Variants in FLRT1 observed in about 807,000 individuals in gnomAD.
FLRT1 encodes fibronectin leucine rich transmembrane protein 1, also known as leucine-rich repeat transmembrane protein FLRT1.
Under a neutral mutation model 30.9 loss-of-function variants are expected in FLRT1, and 14 were observed. The observed-to-expected ratio is 0.45, with a 90% CI of 0.30 to 0.71. The LOEUF (loss-of-function observed/expected upper bound fraction) is 0.71. FLRT1 is among the 30% of genes least tolerant of loss of function. The probability of loss-of-function intolerance (pLI) is 0.08; values close to 1 mark genes in which losing one functional copy is unlikely to be tolerated. For synonymous variants in FLRT1, 368 were observed against 430.4 expected (o/e 0.85, Z 1.80); for missense variants, 737 against 949.2 (o/e 0.78, Z 2.94).
chr11:64,101,149 G>C (rs979086217), intron 1 of FLRT1, among the ~76,000 whole-genome samples: 13 of 152,050 alleles, frequency 8.5e-5, no homozygotes, highest in Non-Finnish European at 1.6e-4. Flanking sequence ...CAGGGAGGGA[G>C]GGATGACGTC....
chr11:64,115,059 G>A (rs1204315995), intron 2 of FLRT1, among the ~76,000 whole-genome samples: 1 of 152,136 alleles, frequency 6.6e-6, no homozygotes, highest in Non-Finnish European at 1.5e-5. Context: ...CTGCACACCA[G>A]GGCTGCCCTC....
At chr11:64,060,864 C>G (rs1355960017) in intron 1 of FLRT1, among the ~76,000 whole-genome samples, 15 of 152,162 alleles carry the variant, frequency 9.9e-5, no homozygotes, top group African/African-American at 3.6e-4. Context: ...GGGGCCAAAG[C>G]CCTCCAGGCC....
intron 1 of FLRT1, among the ~76,000 whole-genome samples, chr11:64,100,408 G>A (rs1391426410): frequency 6.6e-6 from 1 of 152,162 alleles, no homozygotes; most frequent in Admixed American, 6.5e-5. Context: ...CTTTTATGAT[G>A]TTGACTCAAA....
At chr11:64,100,590 G>A (rs912406445) in intron 1 of FLRT1, among the ~76,000 whole-genome samples, 3 of 152,138 alleles carry the variant, frequency 2.0e-5, no homozygotes, top group Admixed American at 6.5e-5. Context: ...TCTGCCAGGC[G>A]CACGCATTTA....
In FLRT1 at chr11:64,079,734, G is replaced by A. The variant is rs148497822; in HGVS notation, c.-1037-23460G>A. ...ATTGGGTTCAGGGAGAGAGTGGGGC[G>A]CACGCTCAGAGAAATGTGGAGTGGA... On this transcript the variant is annotated intron_variant, in intron 1 of 2. Transcript: ENST00000682287. Among the ~76,000 whole-genome samples, 698 of 152,184 alleles carry A rather than the reference G, an allele frequency of 4.6e-3. 2 individuals carry two copies. Among genetic ancestry groups the A allele is most frequent in the African/African-American group, 0.015 (630 of 41,492 alleles).
At position 64,117,588 on chromosome 11, in the gene FLRT1, A is replaced by G; in HGVS notation, c.1321A>G (p.Ile441Val). The G allele has an allele frequency of 1.2e-6, 2 of 1,612,214 alleles. No homozygotes were observed. The highest frequency in any genetic ancestry group is 1.7e-5 in the Admixed American group (1 of 59,936). Residue 441 changes from isoleucine (I) to valine (V), a missense_variant, in exon 3 of 3, where the codon ATC (isoleucine) becomes GTC (valine). By Grantham distance (29) the Ile-to-Val change is conservative. Coordinates refer to ENST00000682287, the MANE Select transcript of FLRT1 (RefSeq NM_013280.5). Reference protein sequence around the residue: ...ATGDGAKTLAIHVKALTADSI... With the variant: ...ATGDGAKTLAVHVKALTADSI... ...GGGTGATGGCGCCAAGACCCTGGCC[A>G]TCCACGTGAAGGCCCTGACGGCAGA...
rs1945002430 is a variant in FLRT1, at chr11:64,117,187, C to T, written c.920C>T (p.Thr307Ile). 1 of 1,614,084 alleles carries T rather than the reference C, an allele frequency of 6.2e-7. No homozygotes were observed. The highest frequency in any genetic ancestry group is 1.7e-5 in the Admixed American group (1 of 60,022). Reference protein sequence around the residue: ...ERLDLSNNNLTTLPRGLFDDL... With the variant: ...ERLDLSNNNLITLPRGLFDDL... ...CTGGACCTGTCCAACAACAACCTGA[C>T]CACGCTGCCCCGCGGCCTGTTCGAC... Residue 307 changes from threonine (T) to isoleucine (I), a missense_variant, in exon 3 of 3, where the codon ACC becomes ATC. Transcript: ENST00000682287.
chr11:64,091,311 G>C (rs1944485843), intron 1 of FLRT1, among the ~76,000 whole-genome samples: 1 of 152,096 alleles, frequency 6.6e-6, no homozygotes, highest in Non-Finnish European at 1.5e-5. Flanking sequence ...TCACGTAGCT[G>C]ATTTCATCAC....
chr11:64,042,482 C>G (rs1366675006), intron 1 of FLRT1, among the ~76,000 whole-genome samples: 1 of 152,172 alleles, frequency 6.6e-6, no homozygotes, highest in Non-Finnish European at 1.5e-5. Context: ...ATAGAGGAGG[C>G]CCTGTGATGG....
rs115061568 is a variant in FLRT1, at chr11:64,072,884, G to A, written c.-1037-30310G>A. The stretch of plus-strand genomic sequence containing the variant: ...AATCCCACATAAACCTACGTGTGGA[G>A]CAGGGGCTTTATTTTTTCTCAAAAG... On this transcript the variant is annotated intron_variant, in intron 1 of 2. Transcript: ENST00000682287. Among the ~76,000 whole-genome samples the A allele has an allele frequency of 7.8e-3, 1,191 of 152,322 alleles. 14 individuals are homozygous for A. The highest frequency in any genetic ancestry group is 0.026 in the African/African-American group (1,062 of 41,556).
intron 1 of FLRT1, among the ~76,000 whole-genome samples, chr11:64,100,017 T>C (rs1444552872): frequency 6.6e-6 from 1 of 152,166 alleles, no homozygotes; most frequent in East Asian, 1.9e-4. Flanking sequence ...CTTGGAGTAG[T>C]GCAGCAAGAA....
At chr11:64,049,996 T>G (rs59341826) in intron 1 of FLRT1, among the ~76,000 whole-genome samples, 36,520 of 152,214 alleles carry the variant, frequency 0.24, 8,681 homozygotes, top group African/African-American at 0.6. Flanking sequence ...CTGGATGCCA[T>G]ATTATAAATA....
At chr11:64,056,513 G>C (rs1231344241) in intron 1 of FLRT1, among the ~76,000 whole-genome samples, 5 of 152,244 alleles carry the variant, frequency 3.3e-5, no homozygotes, top group Admixed American at 6.5e-5. Context: ...CGGAGAGACG[G>C]AGCCTGGGTC....
At chr11:64,092,045 A>C (rs1393935824) in intron 1 of FLRT1, among the ~76,000 whole-genome samples, 1 of 152,086 alleles carries the variant, frequency 6.6e-6, no homozygotes, top group Non-Finnish European at 1.5e-5. Flanking sequence ...GGTCCCAAAA[A>C]ACAATCCTCC....
intron 1 of FLRT1, among the ~76,000 whole-genome samples, chr11:64,071,133 C>T (rs1230292962): frequency 6.6e-6 from 1 of 152,134 alleles, no homozygotes; most frequent in Non-Finnish European, 1.5e-5. Flanking sequence ...CAAAATTCTA[C>T]TCATCCTTCC....
In FLRT1 at chr11:64,118,004, G is replaced by C. The variant is rs773496799; in HGVS notation, c.1737G>C (p.Gln579His). The part of the protein sequence containing the change: ...VLGAICWYVH[Q>H]AGELLTRERA... ...GGGCCATCTGCTGGTACGTGCACCA[G>C]GCTGGCGAGCTGCTGACCCGGGAGA... The change falls in exon 3 of 3, where the codon CAG (glutamine) becomes CAC (histidine). Residue 579 changes from glutamine (Q) to histidine (H), a missense_variant. Transcript: ENST00000682287. 1.4e-5 allele frequency: 22 copies of C among 1,613,614 alleles called. No individual in the cohort carries two copies. The highest frequency in any genetic ancestry group is 1.7e-5 in the Admixed American group (1 of 60,008).
At position 64,103,493 on chromosome 11, in the gene FLRT1, T is replaced by A. The variant is rs1454960628; in HGVS notation, c.-738T>A. Reference sequence around the variant, plus strand: ...GGAGACACAGCCTGAGTGGCAGGAATACAGAGCCTTTGGAGAGTGGCTCCC... The same window carrying A: ...GGAGACACAGCCTGAGTGGCAGGAAAACAGAGCCTTTGGAGAGTGGCTCCC... On this transcript the variant is annotated 5_prime_UTR_variant, in exon 2 of 3. Coordinates refer to ENST00000682287, the MANE Select transcript of FLRT1 (RefSeq NM_013280.5). 1 of 151,392 alleles carries A rather than the reference T, an allele frequency of 6.6e-6. No homozygotes were observed. The highest frequency in any genetic ancestry group is 1.5e-5 in the Non-Finnish European group (1 of 68,064). The allele number at this position is 151,392 out of a possible 1,614,324, so 9.4% of individuals were successfully genotyped here.
chr11:64,051,079 A>ACT (rs1704809833), intron 1 of FLRT1, among the ~76,000 whole-genome samples: 1 of 152,172 alleles, frequency 6.6e-6, no homozygotes, highest in African/African-American at 2.4e-5. Flanking sequence ...ACCGATCTGG[A>ACT]GGAGAGATTC....
chr11:64,043,339 A>AC (rs1943524081), intron 1 of FLRT1, among the ~76,000 whole-genome samples: 4 of 151,974 alleles, frequency 2.6e-5, no homozygotes. Context: ...CGCCCTCAGG[A>AC]CCCCACCCTC....
Sources: allele counts gnomAD v4.1 joint callset (sites outside exome capture counted in the v4.1 genomes callset), GRCh38; gene constraint gnomAD v4.1.1; transcripts MANE v1.5; gene names NCBI Gene and HGNC (gene_info 2026-07-23, HGNC 2026-07-21).